The following OSBPL10 variants were observed in gnomAD, a reference collection of about 807,000 sequenced individuals.
OSBPL10 encodes oxysterol binding protein like 10.
Under a neutral mutation model 81.7 loss-of-function variants are expected in OSBPL10, and 49 were observed. The ratio of observed to expected loss-of-function variants is 0.60; its 90% confidence interval spans 0.48 to 0.76. The LOEUF (loss-of-function observed/expected upper bound fraction) is 0.76. Ranked by LOEUF, OSBPL10 falls within the 30% of genes least tolerant of loss-of-function variation. The pLI, the probability that OSBPL10 is intolerant of heterozygous loss-of-function variation, is 0.00. For synonymous variants in OSBPL10, 419 were observed against 383.6 expected (o/e 1.09, Z -1.08); for missense variants, 923 against 987.8 (o/e 0.93, Z 0.88).
intron 2 of OSBPL10, among the ~76,000 whole-genome samples, chr3:32,010,520 C>A (rs1169943173): frequency 6.6e-6 from 1 of 152,166 alleles, no homozygotes; most frequent in Non-Finnish European, 1.5e-5. Context: ...ATGAGCAATG[C>A]AGAATATGAA....
chr3:31,810,178 A>C (rs930906838), intron 4 of OSBPL10, among the ~76,000 whole-genome samples: 1 of 151,804 alleles, frequency 6.6e-6, no homozygotes. Context: ...GCCCCCTCTG[A>C]CTCTTTATAC....
intron 10 of OSBPL10, 176 bp from the exon 11 acceptor site, chr3:31,664,408 A>G (rs1044433737): frequency 3.2e-6 from 2 of 624,384 alleles, no homozygotes; most frequent in African/African-American, 3.7e-5. Context: ...AGGGCTACCC[A>G]GCTCCACCTC....
intron 1 of OSBPL10, among the ~76,000 whole-genome samples, chr3:31,926,131 T>A (rs1697066219): frequency 6.6e-6 from 1 of 152,236 alleles, no homozygotes; most frequent in African/African-American, 2.4e-5. Flanking sequence ...AGGACAGGGA[T>A]GTTTCCTCTG....
intron 3 of OSBPL10, among the ~76,000 whole-genome samples, chr3:31,846,701 C>T (rs1320342430): frequency 1.3e-5 from 2 of 151,980 alleles, no homozygotes; most frequent in African/African-American, 4.8e-5. Flanking sequence ...TGCTAGTGGC[C>T]ACATATAAAC....
intron 2 of OSBPL10, among the ~76,000 whole-genome samples, chr3:31,999,754 T>A (rs1699127317): frequency 6.6e-6 from 1 of 152,154 alleles, no homozygotes; most frequent in Non-Finnish European, 1.5e-5. Context: ...ATGTCAGGGA[T>A]CACCTTTTCC....
intron 1 of OSBPL10, among the ~76,000 whole-genome samples, chr3:31,880,447 AG>A (rs1237617696): frequency 6.9e-6 from 1 of 145,668 alleles, no homozygotes; most frequent in Admixed American, 6.7e-5. Context: ...CCATGGTAAA[AG>A]AAGAAGAACT....
intron 3 of OSBPL10, among the ~76,000 whole-genome samples, chr3:31,831,025 C>T (rs1003972105): frequency 9.9e-5 from 15 of 152,054 alleles, no homozygotes; most frequent in African/African-American, 3.6e-4. Context: ...TCACAGATCT[C>T]GAATGGATCA....
intron 2 of OSBPL10, among the ~76,000 whole-genome samples, chr3:32,029,723 G>A (rs1180262545): frequency 1.3e-5 from 2 of 152,144 alleles, no homozygotes; most frequent in Non-Finnish European, 2.9e-5. Flanking sequence ...AAAATAAGAT[G>A]AAAATGCATC....
chr3:31,953,833 T>A (rs543121170), intron 1 of OSBPL10, among the ~76,000 whole-genome samples: 24 of 152,288 alleles, frequency 1.6e-4, no homozygotes, highest in Middle Eastern at 6.8e-3. Context: ...TCTATGTGTA[T>A]GTGAGGAGTG....
intron 4 of OSBPL10, among the ~76,000 whole-genome samples, chr3:31,798,145 T>C (rs1699283768): frequency 6.6e-6 from 1 of 152,126 alleles, no homozygotes; most frequent in African/African-American, 2.4e-5. Context: ...CAAATGCACA[T>C]GGAGGCCAGG....
intron 4 of OSBPL10, among the ~76,000 whole-genome samples, chr3:31,812,739 A>G (rs1699721902): frequency 4.8e-5 from 1 of 20,996 alleles, no homozygotes; most frequent in Non-Finnish European, 8.1e-5. Context: ...AGAAAGAAAG[A>G]AAGAAAGAAA....
intron 7 of OSBPL10, among the ~76,000 whole-genome samples, chr3:31,695,185 T>C (rs1172380026): frequency 1.3e-5 from 2 of 152,216 alleles, no homozygotes; most frequent in Non-Finnish European, 2.9e-5. Context: ...ACCTTCTACC[T>C]ACTCTCTGAA....
At chr3:31,970,785 C>T (rs9882180) in intron 1 of OSBPL10, among the ~76,000 whole-genome samples, 1 of 149,862 alleles carries the variant, frequency 6.7e-6, no homozygotes, top group East Asian at 2.0e-4. Flanking sequence ...GGCTTAAGAG[C>T]TTCTTCAGAA....
At chr3:31,780,501 T>G (rs547236081) in intron 4 of OSBPL10, among the ~76,000 whole-genome samples, 3 of 137,374 alleles carry the variant, frequency 2.2e-5, no homozygotes, top group Non-Finnish European at 4.8e-5. Context: ...AAAAAAAAAA[T>G]ACAAAAAATA....
intron 3 of OSBPL10, among the ~76,000 whole-genome samples, chr3:31,870,045 C>T (rs984492338): frequency 3.9e-5 from 6 of 152,358 alleles, no homozygotes; most frequent in East Asian, 1.9e-4. Flanking sequence ...TTCAGCCCAC[C>T]GCTGCACTGT....
In OSBPL10 at chr3:31,930,010, A is replaced by C. The variant is rs972646668; in HGVS notation, c.282-50180T>G. Among the ~76,000 whole-genome samples, 249 of 149,794 alleles carry C rather than the reference A, an allele frequency of 1.7e-3. 3 individuals carry two copies. The highest frequency in any genetic ancestry group is 5.6e-3 in the African/African-American group (231 of 40,972). On this transcript the variant is annotated intron_variant, in intron 1 of 11. Coordinates refer to ENST00000396556, the MANE Select transcript of OSBPL10 (RefSeq NM_017784.5). ...TGAGACCCTGTCACCAACCAAAAAAAAAAAAAAAAAAAAAAACAGGTGTGG... is the reference window on the plus strand; with the variant it reads ...TGAGACCCTGTCACCAACCAAAAAACAAAAAAAAAAAAAAAACAGGTGTGG...
intron 2 of OSBPL10, among the ~76,000 whole-genome samples, chr3:31,987,270 T>A (rs903488552): frequency 2.0e-5 from 3 of 152,250 alleles, no homozygotes; most frequent in African/African-American, 7.2e-5. Flanking sequence ...GAATATAGTA[T>A]AGACAATTTC....
intron 2 of OSBPL10, among the ~76,000 whole-genome samples, chr3:32,001,421 T>C (rs1425019209): frequency 6.6e-6 from 1 of 152,212 alleles, no homozygotes; most frequent in Non-Finnish European, 1.5e-5. Flanking sequence ...ATAAGCATTT[T>C]ACATCTATTA....
intron 7 of OSBPL10, among the ~76,000 whole-genome samples, chr3:31,693,402 G>A (rs1695615113): frequency 3.9e-5 from 6 of 152,188 alleles, no homozygotes. Flanking sequence ...ATAACATCAA[G>A]AAGCCAAAAA....
Sources: gnomAD v4.1 joint callset for allele counts (sites outside exome capture counted in the v4.1 genomes callset) on GRCh38, gnomAD v4.1.1 for gene constraint, MANE v1.5 for transcripts, NCBI Gene and HGNC (gene_info 2026-07-23, HGNC 2026-07-21) for gene names.